Variants in AHCYL2 observed in about 807,000 individuals in gnomAD.
AHCYL2 encodes adenosylhomocysteinase like 2.
Under a neutral mutation model 81.4 loss-of-function variants are expected in AHCYL2, and 28 were observed. The observed-to-expected ratio is 0.34, with a 90% confidence interval of 0.25 to 0.47. The LOEUF (loss-of-function observed/expected upper bound fraction) is 0.47. AHCYL2 is among the 20% of genes least tolerant of loss of function. AHCYL2 has a pLI of 1.00. For missense variants in AHCYL2, 551 were observed against 785.1 expected (o/e 0.70, Z 3.56); for synonymous variants, 272 against 290.2 (o/e 0.94, Z 0.64).
intron 1 of AHCYL2, among the ~76,000 whole-genome samples, chr7:129,260,520 C>A (rs1795588016): frequency 6.6e-6 from 1 of 152,122 alleles, no homozygotes; most frequent in Admixed American, 6.5e-5. Flanking sequence ...TCGGCCAGGC[C>A]ATTACTACCA....
chr7:129,420,768 G>A (rs1310234797), intron 12 of AHCYL2, among the ~76,000 whole-genome samples: 1 of 151,982 alleles, frequency 6.6e-6, no homozygotes, highest in Non-Finnish European at 1.5e-5. Flanking sequence ...TTACAGGCAT[G>A]AACCACTGTG....
intron 1 of AHCYL2, among the ~76,000 whole-genome samples, chr7:129,341,278 C>T (rs1793168981): frequency 6.6e-6 from 1 of 152,104 alleles, no homozygotes; most frequent in African/African-American, 2.4e-5. Context: ...TGTGGGAACA[C>T]AAATATATGG....
At chr7:129,386,019 T>C (rs1321236233) in intron 2 of AHCYL2, among the ~76,000 whole-genome samples, 1 of 152,244 alleles carries the variant, frequency 6.6e-6, no homozygotes, top group Non-Finnish European at 1.5e-5. Flanking sequence ...AATTCATTCA[T>C]TTATAATTCA....
intron 1 of AHCYL2, 60 bp downstream of exon 1, chr7:129,225,499 T>C (rs923401420): frequency 7.0e-7 from 1 of 1,427,666 alleles, no homozygotes; most frequent in Non-Finnish European, 9.1e-7. Flanking sequence ...CTGCAGATCC[T>C]CTCGGCACGG....
intron 13 of AHCYL2, among the ~76,000 whole-genome samples, chr7:129,423,827 C>T (rs894360947): frequency 6.6e-6 from 1 of 152,036 alleles, no homozygotes; most frequent in Non-Finnish European, 1.5e-5. Flanking sequence ...TTCTCAGATA[C>T]TTCAGGGCAT....
At chr7:129,226,922 A>AACTT (rs3993422) in intron 1 of AHCYL2, among the ~76,000 whole-genome samples, 142,897 of 152,128 alleles carry the variant, frequency 0.94, 67,749 homozygotes, top group East Asian at 1. Flanking sequence ...GATACTTTGT[A>AACTT]TCGTTAAGTC....
intron 1 of AHCYL2, among the ~76,000 whole-genome samples, chr7:129,239,527 G>A (rs1794767801): frequency 6.6e-6 from 1 of 151,450 alleles, no homozygotes; most frequent in Non-Finnish European, 1.5e-5. Context: ...GTTCACTGCA[G>A]CCTCAAACTG....
intron 1 of AHCYL2, among the ~76,000 whole-genome samples, chr7:129,228,896 C>T (rs959378653): frequency 6.6e-6 from 1 of 152,062 alleles, no homozygotes; most frequent in African/African-American, 2.4e-5. Flanking sequence ...TGTTTAAGCT[C>T]TTGATTTGGT....
intron 1 of AHCYL2, among the ~76,000 whole-genome samples, chr7:129,250,742 G>A (rs1795220286): frequency 6.6e-6 from 1 of 152,102 alleles, no homozygotes; most frequent in Admixed American, 6.5e-5. Context: ...GAATAAATTG[G>A]CATGTGTTAG....
intron 2 of AHCYL2, among the ~76,000 whole-genome samples, chr7:129,385,520 A>G (rs534648978): frequency 5.3e-4 from 80 of 152,364 alleles, no homozygotes; most frequent in African/African-American, 1.8e-3. Context: ...GATTTTGGAA[A>G]ATAATGAAAC....
chr7:129,241,372 C>A (rs1467147007), intron 1 of AHCYL2, among the ~76,000 whole-genome samples: 1 of 152,178 alleles, frequency 6.6e-6, no homozygotes, highest in Non-Finnish European at 1.5e-5. Flanking sequence ...AGGTGGATCA[C>A]CTGAGGTCAG....
At chr7:129,398,964 A>C (rs1469867744) in intron 5 of AHCYL2, among the ~76,000 whole-genome samples, 1 of 151,884 alleles carries the variant, frequency 6.6e-6, no homozygotes, top group Non-Finnish European at 1.5e-5. Flanking sequence ...CAACATGGTG[A>C]AACCCTGTCT....
intron 1 of AHCYL2, among the ~76,000 whole-genome samples, chr7:129,377,940 C>T (rs1290015452): frequency 6.6e-6 from 1 of 152,080 alleles, no homozygotes; most frequent in African/African-American, 2.4e-5. Context: ...TAATCTGCTC[C>T]TTCTACATCT....
chr7:129,373,090 A>G (rs1563218060), intron 1 of AHCYL2, among the ~76,000 whole-genome samples: 1 of 152,198 alleles, frequency 6.6e-6, no homozygotes, highest in African/African-American at 2.4e-5. Context: ...GAGAATTGGA[A>G]GCTGAAAAAA....
At chr7:129,389,333 G>A in intron 3 of AHCYL2, 134 bp downstream of exon 3, 1 of 1,058,184 alleles carries the variant, frequency 9.5e-7, no homozygotes, top group Non-Finnish European at 1.3e-6. Flanking sequence ...AAAGAAATGT[G>A]AGTTCAAGAA....
chr7:129,364,013 TTGAGG>T (rs1388915693), intron 1 of AHCYL2, among the ~76,000 whole-genome samples: 2 of 151,970 alleles, frequency 1.3e-5, no homozygotes, highest in Non-Finnish European at 2.9e-5. Context: ...GGAGGATCAC[TTGAGG>T]TGAACTCCTG....
intron 1 of AHCYL2, among the ~76,000 whole-genome samples, chr7:129,348,321 T>TCTTCAA (rs1341284956): frequency 2.6e-5 from 4 of 152,006 alleles, no homozygotes; most frequent in African/African-American, 7.3e-5. Context: ...TTCAAGATAA[T>TCTTCAA]GTTGAGGGGG....
chr7:129,279,320 T>C (rs565179865), intron 1 of AHCYL2, among the ~76,000 whole-genome samples: 11 of 152,110 alleles, frequency 7.2e-5, no homozygotes, highest in Non-Finnish European at 1.5e-4. Flanking sequence ...TGGCTAATTT[T>C]TGTATTTTTA....
At chr7:129,234,379 G>A (rs1367011201) in intron 1 of AHCYL2, among the ~76,000 whole-genome samples, 2 of 152,158 alleles carry the variant, frequency 1.3e-5, no homozygotes, top group Non-Finnish European at 2.9e-5. Flanking sequence ...CAAGTAGCTG[G>A]GATTACAGGC....
Sources: allele counts gnomAD v4.1 joint callset (sites outside exome capture counted in the v4.1 genomes callset), GRCh38; gene constraint gnomAD v4.1.1; transcripts MANE v1.5; gene names NCBI Gene and HGNC (gene_info 2026-07-23, HGNC 2026-07-21).